The following PPP5C variants were observed in gnomAD, a reference collection of about 807,000 sequenced individuals.
The protein encoded by PPP5C is serine/threonine-protein phosphatase 5.
A neutral mutation model predicts 66.7 loss-of-function variants in PPP5C; 21 were observed. That is an observed-to-expected ratio of 0.31 (90% CI 0.22 to 0.45). The LOEUF is 0.45. PPP5C is among the 20% of genes least tolerant of loss of function. The pLI, the probability that PPP5C is intolerant of heterozygous loss-of-function variation, is 1.00. For synonymous variants in PPP5C, 246 were observed against 257.4 expected (o/e 0.96, Z 0.43); for missense variants, 464 against 675.9 (o/e 0.69, Z 3.48).
intron 9 of PPP5C, chr19:46,387,851 G>T: frequency 1.3e-6 from 1 of 748,512 alleles, no homozygotes; most frequent in East Asian, 6.1e-5. Context: ...GGGTGGGCTG[G>T]TGCTGGGTGC....
intron 9 of PPP5C, chr19:46,387,971 T>C (rs1972921103): frequency 3.7e-6 from 1 of 272,590 alleles, no homozygotes. Flanking sequence ...GGAGGGGTCC[T>C]AAGGCAGGGA....
At chr19:46,389,181 G>T (rs2147408211) in intron 11 of PPP5C, among the ~76,000 whole-genome samples, 1 of 151,950 alleles carries the variant, frequency 6.6e-6, no homozygotes, top group East Asian at 1.9e-4. Context: ...AAAATTAGCA[G>T]GGCGTGGTGG....
At position 46,387,418 on chromosome 19, in the gene PPP5C, G is replaced by A. The variant is rs1260657606; in HGVS notation, c.1100G>A (p.Arg367Gln). 1.1e-5 allele frequency: 18 copies of A among 1,613,266 alleles called. No individual in the cohort carries two copies. Among genetic ancestry groups the A allele is most frequent in the South Asian group, 4.4e-5 (4 of 91,060 alleles). ...SEDGVTLDDI[R>Q]KIERNRQPPD... The stretch of plus-strand genomic sequence containing the variant: ...GACGGTGTCACCCTGGATGACATCC[G>A]GAAAATTGAGCGGAATCGACAACCC... Residue 367 changes from arginine to glutamine, a missense_variant, in exon 9 of 13, where the codon CGG (arginine) becomes CAG (glutamine). This residue lies in a region of PPP5C where 387 missense variants were observed against 626.0 expected (regional missense o/e 0.62). Transcript: ENST00000012443.
chr19:46,377,159 T>C (rs922947782), intron 4 of PPP5C, among the ~76,000 whole-genome samples: 6 of 152,190 alleles, frequency 3.9e-5, no homozygotes, highest in Admixed American at 2.0e-4. Flanking sequence ...GTGAGTCAGG[T>C]TGACAGGCAG....
intron 11 of PPP5C, among the ~76,000 whole-genome samples, chr19:46,389,049 C>T (rs1972943497): frequency 6.6e-6 from 1 of 152,114 alleles, no homozygotes; most frequent in Non-Finnish European, 1.5e-5. Flanking sequence ...GCTGGCTGGG[C>T]ATGGTGGCTC....
intron 11 of PPP5C, among the ~76,000 whole-genome samples, chr19:46,389,765 T>G (rs1972978330): frequency 1.3e-5 from 2 of 152,012 alleles, no homozygotes; most frequent in South Asian, 4.2e-4. Flanking sequence ...CGTGGTCAGA[T>G]TCCTAGTGGG....
In PPP5C at chr19:46,362,822, C is replaced by G. The variant is rs1006495046; in HGVS notation, c.363+8833C>G. Among the ~76,000 whole-genome samples, 118 of 151,342 alleles carry G rather than the reference C, an allele frequency of 7.8e-4. 1 individual carries two copies. Among genetic ancestry groups the G allele is most frequent in the Non-Finnish European group, 1.5e-3 (102 of 67,882 alleles). On this transcript the variant is annotated intron_variant, in intron 2 of 12. Coordinates refer to ENST00000012443, the MANE Select transcript of PPP5C (RefSeq NM_006247.4). ...ATTTTTTTTGAGATGGGGTCTCACT[C>G]TGTCGCCCAGGCTGGAGTGCAGTGG...
chr19:46,353,944 C>T lies in PPP5C; in HGVS notation c.318C>T (p.Asn106=). 1 of 1,609,332 alleles carries T rather than the reference C, an allele frequency of 6.2e-7. No homozygotes were observed. Among genetic ancestry groups the T allele is most frequent in the Non-Finnish European group, 8.5e-7 (1 of 1,178,404 alleles). The part of the protein sequence containing the change: ...IKGYYRRAAS[N]MALGKFRAAL... The stretch of plus-strand genomic sequence containing the variant: ...GTTATTACCGCCGGGCTGCCAGCAA[C>T]ATGGCACTGGGCAAGTTCCGGGCCG... The change falls in exon 2 of 13, where the codon AAC becomes AAT. Residue 106 remains asparagine, a synonymous_variant. Coordinates refer to ENST00000012443, the MANE Select transcript of PPP5C (RefSeq NM_006247.4).
At chr19:46,367,169 C>T (rs1972505104) in intron 2 of PPP5C, among the ~76,000 whole-genome samples, 1 of 152,214 alleles carries the variant, frequency 6.6e-6, no homozygotes, top group Non-Finnish European at 1.5e-5. Flanking sequence ...CCATCCGGCC[C>T]TTGGGAATTC....
rs988476084 is a variant in PPP5C, at chr19:46,388,463, G to T, written c.1176+15G>T. Reference sequence around the variant, plus strand: ...CACAGCCACAGGTGAGTCTAGGGTGGGGTGCAGGGCCGGCGGGTGTGGGCT... The same window carrying T: ...CACAGCCACAGGTGAGTCTAGGGTGTGGTGCAGGGCCGGCGGGTGTGGGCT... On this transcript the variant is annotated intron_variant, in intron 10 of 12. Coordinates refer to ENST00000012443, the MANE Select transcript of PPP5C (RefSeq NM_006247.4). The surrounding 1 kb of genome is among the most constrained non-coding windows in gnomAD (Gnocchi z 4.9). 3 of 1,612,080 alleles carry T rather than the reference G, an allele frequency of 1.9e-6. No homozygotes were observed. Among genetic ancestry groups the T allele is most frequent in the Non-Finnish European group, 2.5e-6 (3 of 1,178,442 alleles).
chr19:46,375,531 G>T (rs534179125), intron 2 of PPP5C, 73 bp from the exon 3 acceptor site: 1 of 1,575,590 alleles, frequency 6.3e-7, no homozygotes, highest in African/African-American at 1.3e-5. Context: ...GGAACCCAGG[G>T]CTGGGCAGCC....
At chr19:46,374,540 T>C (rs1434209019) in intron 2 of PPP5C, among the ~76,000 whole-genome samples, 1 of 152,162 alleles carries the variant, frequency 6.6e-6, no homozygotes, top group Non-Finnish European at 1.5e-5. Context: ...CCAAATCCAG[T>C]CTGCTTTTCA....
intron 2 of PPP5C, among the ~76,000 whole-genome samples, chr19:46,364,536 G>A (rs1372644822): frequency 6.6e-6 from 1 of 151,944 alleles, no homozygotes; most frequent in Non-Finnish European, 1.5e-5. Flanking sequence ...TTGGGAGGTG[G>A]GTCATATTTG....
chr19:46,385,740 A>C (rs1601444750), intron 7 of PPP5C, among the ~76,000 whole-genome samples: 1 of 151,252 alleles, frequency 6.6e-6, no homozygotes, highest in Admixed American at 6.6e-5. Context: ...AGATTGCGCC[A>C]CTGCACTCCA....
intron 2 of PPP5C, among the ~76,000 whole-genome samples, chr19:46,365,317 G>T (rs1389107448): frequency 6.6e-6 from 1 of 151,006 alleles, no homozygotes; most frequent in Non-Finnish European, 1.5e-5. Context: ...GGGGTTTCAC[G>T]ATGTTGGCTA....
chr19:46,356,066 T>A (rs1972281240), intron 2 of PPP5C, among the ~76,000 whole-genome samples: 1 of 152,080 alleles, frequency 6.6e-6, no homozygotes. Flanking sequence ...CCCCGCATAC[T>A]CCCTGAGGCT....
At chr19:46,368,462 A>T (rs1193801856) in intron 2 of PPP5C, among the ~76,000 whole-genome samples, 1 of 152,258 alleles carries the variant, frequency 6.6e-6, no homozygotes, top group Non-Finnish European at 1.5e-5. Flanking sequence ...TGCCTCAGGG[A>T]CATATCAGTC....
intron 2 of PPP5C, among the ~76,000 whole-genome samples, chr19:46,370,416 C>T (rs73553107): frequency 0.017 from 2,548 of 152,274 alleles, 87 homozygotes; most frequent in African/African-American, 0.059. Flanking sequence ...ACCTCCACAC[C>T]GTGTCCCACT....
intron 2 of PPP5C, among the ~76,000 whole-genome samples, chr19:46,362,780 T>A (rs1365146260): frequency 6.6e-6 from 1 of 151,748 alleles, no homozygotes; most frequent in African/African-American, 2.4e-5. Flanking sequence ...ATTTATTTAT[T>A]TTTATTTTTT....
Sources: allele counts gnomAD v4.1 joint callset (sites outside exome capture counted in the v4.1 genomes callset), GRCh38; gene constraint gnomAD v4.1.1; regional missense constraint gnomAD v4.1.1; non-coding constraint Gnocchi (gnomAD v3.1); transcripts MANE v1.5; gene names NCBI Gene and HGNC (gene_info 2026-07-23, HGNC 2026-07-21).